The following DGKI variants were observed in gnomAD, a reference collection of about 807,000 sequenced individuals.
The protein encoded by DGKI is DAG kinase iota.
In DGKI, 55 loss-of-function variants were observed where a neutral mutation model predicts 147.5. The ratio of observed to expected loss-of-function variants is 0.37; its 90% confidence interval spans 0.30 to 0.47. The LOEUF is 0.47. DGKI is among the 20% of genes least tolerant of loss of function. The pLI is 1.00. For synonymous variants in DGKI, 469 were observed against 477.1 expected (o/e 0.98, Z 0.22); for missense variants, 1,007 against 1,323.8 (o/e 0.76, Z 3.71).
At chr7:137,408,761 A>G (rs1480925085) in intron 29 of DGKI, among the ~76,000 whole-genome samples, 1 of 152,220 alleles carries the variant, frequency 6.6e-6, no homozygotes, top group Non-Finnish European at 1.5e-5. Flanking sequence ...AGGTGGCTAC[A>G]TGAGGATATG....
intron 3 of DGKI, among the ~76,000 whole-genome samples, chr7:137,666,552 A>G (rs1043463116): frequency 1.3e-5 from 2 of 152,228 alleles, no homozygotes; most frequent in African/African-American, 4.8e-5. Flanking sequence ...TTATTGAGAT[A>G]TAAAACAAAT....
At chr7:137,571,146 C>A in intron 19 of DGKI, 29 bp downstream of exon 19, 1 of 1,493,454 alleles carries the variant, frequency 6.7e-7, no homozygotes, top group South Asian at 1.2e-5. Flanking sequence ...AAATACATTT[C>A]ATTTTAATAA....
intron 10 of DGKI, among the ~76,000 whole-genome samples, chr7:137,602,252 C>T (rs1192445907): frequency 6.6e-6 from 1 of 152,188 alleles, no homozygotes; most frequent in Non-Finnish European, 1.5e-5. Context: ...CACAGCTCAG[C>T]TTCAGCCTCT....
At chr7:137,457,720 T>A (rs951550101) in intron 27 of DGKI, among the ~76,000 whole-genome samples, 1 of 152,170 alleles carries the variant, frequency 6.6e-6, no homozygotes, top group Non-Finnish European at 1.5e-5. Flanking sequence ...TATGGAGAGG[T>A]TGAACTACCA....
intron 4 of DGKI, among the ~76,000 whole-genome samples, chr7:137,655,078 A>AGAGCCAGAGGAAAGATACTGGCAG (rs1822169897): frequency 6.6e-6 from 1 of 152,236 alleles, no homozygotes; most frequent in Non-Finnish European, 1.5e-5. Context: ...GAGATAAGAA[A>AGAGCCAGAGGAAAGATACTGGCAG]GAGCCAGAGG....
chr7:137,758,405 G>T (rs1416406887), intron 1 of DGKI, among the ~76,000 whole-genome samples: 1 of 152,202 alleles, frequency 6.6e-6, no homozygotes, highest in African/African-American at 2.4e-5. Flanking sequence ...TATCTCAGAG[G>T]CCATGTGCGG....
At chr7:137,770,357 C>T (rs960666008) in intron 1 of DGKI, among the ~76,000 whole-genome samples, 13 of 152,058 alleles carry the variant, frequency 8.5e-5, no homozygotes, top group South Asian at 2.1e-4. Flanking sequence ...GGACAAATAC[C>T]TAATGCATGA....
At chr7:137,732,204 C>T (rs1002248359) in intron 1 of DGKI, among the ~76,000 whole-genome samples, 7 of 152,100 alleles carry the variant, frequency 4.6e-5, no homozygotes, top group African/African-American at 1.7e-4. Context: ...AGTAAATACA[C>T]ATTTTGTATG....
chr7:137,822,146 C>T (rs1423421642), intron 1 of DGKI, among the ~76,000 whole-genome samples: 2 of 152,198 alleles, frequency 1.3e-5, no homozygotes, highest in South Asian at 2.1e-4. Flanking sequence ...GTGGCTGACA[C>T]CTGTAATCCC....
chr7:137,573,545 C>T (rs1157176094), intron 17 of DGKI, among the ~76,000 whole-genome samples: 4 of 152,164 alleles, frequency 2.6e-5, no homozygotes, highest in Non-Finnish European at 5.9e-5. Flanking sequence ...GCTGGGATTA[C>T]AGGTGCCCGC....
At position 137,846,880 on chromosome 7, in the gene DGKI, C is replaced by G; in HGVS notation, c.-18G>C. On this transcript the variant is annotated 5_prime_UTR_variant, in exon 1 of 33. Transcript: ENST00000614521. This position sits in a 1 kb window ranked among gnomAD's most constrained non-coding sequence, Gnocchi z 4.0. Reference sequence around the variant, plus strand: ...GCATCCATCCGCGGCTGCACCGCACCGGGGCATTGTGGGAAACTCCGCTCA... The same window carrying G: ...GCATCCATCCGCGGCTGCACCGCACGGGGGCATTGTGGGAAACTCCGCTCA... The G allele has an allele frequency of 8.6e-7, 1 of 1,160,626 alleles. No homozygotes were observed. Among genetic ancestry groups the G allele is most frequent in the Non-Finnish European group, 1.1e-6 (1 of 940,976 alleles). 71.9% of individuals were successfully genotyped at this position (1,160,626 alleles called of 1,614,324 possible). A position where few individuals can be genotyped will look rare whatever the true frequency, so the allele number is the denominator to read the frequency against.
chr7:137,540,764 A>C (rs1423666757), intron 20 of DGKI, among the ~76,000 whole-genome samples: 2 of 94,130 alleles, frequency 2.1e-5, no homozygotes, highest in African/African-American at 2.1e-4. Context: ...AACCCCCCCA[A>C]AAAAAAAAAA....
intron 3 of DGKI, among the ~76,000 whole-genome samples, chr7:137,673,628 C>T (rs556701472): frequency 2.6e-5 from 4 of 152,280 alleles, no homozygotes; most frequent in Non-Finnish European, 5.9e-5. Flanking sequence ...AATGGAACAG[C>T]AGGTTTTCAA....
chr7:137,549,822 A>C (rs1414798123), intron 20 of DGKI, among the ~76,000 whole-genome samples: 1 of 152,266 alleles, frequency 6.6e-6, no homozygotes, highest in East Asian at 1.9e-4. Context: ...ATTGAAAGAA[A>C]TATTTAATCA....
chr7:137,836,137 T>TA (rs891746993), intron 1 of DGKI, among the ~76,000 whole-genome samples: 39 of 152,094 alleles, frequency 2.6e-4, no homozygotes, highest in Non-Finnish European at 5.0e-4. Context: ...AATTTGTCTT[T>TA]AAAAAAAATC....
At chr7:137,630,206 A>C (rs1456443224) in intron 6 of DGKI, among the ~76,000 whole-genome samples, 1 of 152,160 alleles carries the variant, frequency 6.6e-6, no homozygotes, top group African/African-American at 2.4e-5. Flanking sequence ...AGACTCTGAA[A>C]GTTTTTCAGT....
intron 8 of DGKI, among the ~76,000 whole-genome samples, chr7:137,618,151 A>ATATATATATATATATATTTTTTTT: frequency 1.9e-4 from 2 of 10,464 alleles, no homozygotes; most frequent in East Asian, 7.4e-3. Flanking sequence ...ATATATATAT[A>ATATATATATATATATATTTTTTTT]TTTTTTTTTT....
chr7:137,694,687 G>C (rs1370169982), intron 1 of DGKI, among the ~76,000 whole-genome samples: 1 of 152,184 alleles, frequency 6.6e-6, no homozygotes, highest in African/African-American at 2.4e-5. Context: ...TTCCCCAAGA[G>C]AGTTCTTAAT....
At chr7:137,601,935 T>C (rs1318447844) in intron 10 of DGKI, among the ~76,000 whole-genome samples, 1 of 152,214 alleles carries the variant, frequency 6.6e-6, no homozygotes. Flanking sequence ...AACGAATCCT[T>C]GAGTTTCACC....
Sources: allele counts gnomAD v4.1 joint callset (sites outside exome capture counted in the v4.1 genomes callset), GRCh38; gene constraint gnomAD v4.1.1; non-coding constraint Gnocchi (gnomAD v3.1); transcripts MANE v1.5; gene names NCBI Gene and HGNC (gene_info 2026-07-23, HGNC 2026-07-21).